ARHGEF3: variants seen among roughly 807,000 people sequenced by gnomAD.
ARHGEF3 encodes 59.8 kDA protein.
ARHGEF3 carries 28 observed loss-of-function variants against 63.2 expected under a neutral mutation model. The ratio of observed to expected loss-of-function variants is 0.44; its 90% CI spans 0.33 to 0.61. The LOEUF (loss-of-function observed/expected upper bound fraction) is 0.61, where lower values mean the gene tolerates loss of function less well. Ranked by LOEUF, ARHGEF3 falls within the 20% of genes least tolerant of loss-of-function variation. The pLI is 0.03. For synonymous variants in ARHGEF3, 266 were observed against 254.2 expected, an observed-to-expected ratio of 1.05 and a Z score of -0.44; for missense variants, 533 against 659.3, an observed-to-expected ratio of 0.81 and a Z score of 2.10.
intron 3 of ARHGEF3, among the ~76,000 whole-genome samples, chr3:56,902,727 T>C (rs2041555509): frequency 6.6e-6 from 1 of 152,198 alleles, no homozygotes; most frequent in Non-Finnish European, 1.5e-5. Context: ...GTTTCAGGCC[T>C]GCAAGAAGGC....
chr3:56,826,938 T>A (rs2038734588), intron 4 of ARHGEF3, among the ~76,000 whole-genome samples: 1 of 152,208 alleles, frequency 6.6e-6, no homozygotes, highest in Admixed American at 6.5e-5. Flanking sequence ...TTTTATTTTT[T>A]AATTTTTTTT....
At chr3:56,830,575 A>G (rs2038897066) in intron 4 of ARHGEF3, among the ~76,000 whole-genome samples, 2 of 152,154 alleles carry the variant, frequency 1.3e-5, no homozygotes, top group African/African-American at 4.8e-5. Flanking sequence ...AGATCTTAGC[A>G]CTGACTCTCT....
At chr3:56,947,668 C>A (rs966236150) in intron 3 of ARHGEF3, among the ~76,000 whole-genome samples, 1 of 152,108 alleles carries the variant, frequency 6.6e-6, no homozygotes, top group Non-Finnish European at 1.5e-5. Flanking sequence ...GACTGCCACA[C>A]AATAATAATG....
At chr3:57,071,656 T>A (rs1355777229) in intron 1 of ARHGEF3, among the ~76,000 whole-genome samples, 1 of 117,030 alleles carries the variant, frequency 8.5e-6, no homozygotes, top group Admixed American at 9.0e-5. Context: ...CAAAACTCCA[T>A]CTCAAAAAAA....
chr3:57,022,176 A>G (rs1337963301), intron 2 of ARHGEF3, among the ~76,000 whole-genome samples: 1 of 152,142 alleles, frequency 6.6e-6, no homozygotes, highest in Non-Finnish European at 1.5e-5. Flanking sequence ...CTAGAGGCTG[A>G]GTCAGGGGGA....
chr3:56,751,032 A>G (rs752929763), intron 6 of ARHGEF3, 24 bp downstream of exon 6: 10 of 1,588,052 alleles, frequency 6.3e-6, no homozygotes, highest in East Asian at 2.2e-5. Context: ...TTTATCTTCA[A>G]TAAAGACCAG....
At chr3:57,064,530 A>G (rs1479908177) in intron 1 of ARHGEF3, among the ~76,000 whole-genome samples, 1 of 152,146 alleles carries the variant, frequency 6.6e-6, no homozygotes, top group African/African-American at 2.4e-5. Flanking sequence ...CATGTTGCCA[A>G]GGCTGGTTTT....
intron 2 of ARHGEF3, among the ~76,000 whole-genome samples, chr3:57,001,472 A>C (rs559775407): frequency 3.6e-4 from 55 of 152,310 alleles, no homozygotes; most frequent in African/African-American, 1.3e-3. Flanking sequence ...ATGCTGATGC[A>C]TCCTTTTGTC....
chr3:57,027,505 A>C (rs576890052), intron 2 of ARHGEF3, among the ~76,000 whole-genome samples: 2 of 152,272 alleles, frequency 1.3e-5, no homozygotes, highest in South Asian at 4.1e-4. Flanking sequence ...GGACCCAGAC[A>C]GACAAGAACA....
upstream of ARHGEF3, among the ~76,000 whole-genome samples, chr3:56,804,624 A>C (rs978136091): frequency 2.0e-5 from 3 of 152,222 alleles, no homozygotes; most frequent in Non-Finnish European, 4.4e-5. Flanking sequence ...AGAGCACCTG[A>C]GTTTTTTTCC....
intron 2 of ARHGEF3, among the ~76,000 whole-genome samples, chr3:56,764,415 A>T (rs2035586545): frequency 6.6e-6 from 1 of 152,128 alleles, no homozygotes; most frequent in African/African-American, 2.4e-5. Context: ...GCTCCAACTC[A>T]AAAGTCTGGT....
intron 2 of ARHGEF3, among the ~76,000 whole-genome samples, chr3:56,995,880 T>C (rs1031105793): frequency 6.6e-6 from 1 of 152,138 alleles, no homozygotes; most frequent in Non-Finnish European, 1.5e-5. Flanking sequence ...CTGTTTAAAA[T>C]GGAAATAGGC....
At chr3:56,985,923 G>C (rs530265454) in intron 2 of ARHGEF3, among the ~76,000 whole-genome samples, 9 of 152,332 alleles carry the variant, frequency 5.9e-5, no homozygotes, top group Non-Finnish European at 1.0e-4. Context: ...CACTCAGGGA[G>C]GTCCCTCTAC....
At chr3:57,003,667 T>G (rs1397968791) in intron 2 of ARHGEF3, among the ~76,000 whole-genome samples, 1 of 152,146 alleles carries the variant, frequency 6.6e-6, no homozygotes, top group Non-Finnish European at 1.5e-5. Context: ...AGATGGGGTG[T>G]ATCGTGGATT....
At chr3:56,843,270 A>AT (rs1397213597) in intron 4 of ARHGEF3, among the ~76,000 whole-genome samples, 1 of 151,792 alleles carries the variant, frequency 6.6e-6, no homozygotes, top group Non-Finnish European at 1.5e-5. Flanking sequence ...TTTATTTTTT[A>AT]TTTTTCTAAG....
At chr3:56,948,724 T>G (rs1699647755) in intron 3 of ARHGEF3, among the ~76,000 whole-genome samples, 1 of 152,200 alleles carries the variant, frequency 6.6e-6, no homozygotes, top group African/African-American at 2.4e-5. Context: ...GTACCATTCC[T>G]TCTGAAACTA....
chr3:56,944,824 C>G (rs1024638756), intron 3 of ARHGEF3, among the ~76,000 whole-genome samples: 6 of 152,120 alleles, frequency 3.9e-5, no homozygotes, highest in African/African-American at 1.4e-4. Flanking sequence ...AGTGATCCAC[C>G]CACCTCAGCC....
rs889689320 is a variant in ARHGEF3 at position 56,729,378 on chromosome 3, A to G, written c.1473T>C (p.Ser491=). 1 of 1,614,044 alleles carries G rather than the reference A, an allele frequency of 6.2e-7. No homozygotes were observed. ...TKLEQMDQSD[S]ESDCSMDTSE... is the part of the protein sequence containing the mutation. Reference sequence around the variant, plus strand: ...TCGTGTCCATACTACAGTCTGACTCACTGTCCGATTGGTCCATCTGCTCAA... The same window carrying G: ...TCGTGTCCATACTACAGTCTGACTCGCTGTCCGATTGGTCCATCTGCTCAA... Residue 491 remains serine (S), a synonymous_variant, in exon 10 of 10, where the codon AGT becomes AGC. Coordinates refer to ENST00000296315, the MANE Select transcript of ARHGEF3 (RefSeq NM_019555.3).
chr3:56,958,818 C>A, intron 3 of ARHGEF3: 1 of 1,550,992 alleles, frequency 6.4e-7, no homozygotes, highest in Non-Finnish European at 8.7e-7. Context: ...CAGGGCAACA[C>A]TTACCCCTCT....
Sources: allele counts gnomAD v4.1 joint callset (sites outside exome capture counted in the v4.1 genomes callset), GRCh38; gene constraint gnomAD v4.1.1; transcripts MANE v1.5; gene names NCBI Gene and HGNC (gene_info 2026-07-23, HGNC 2026-07-21).